Variants in PRDM6 observed in about 807,000 individuals in gnomAD.
The protein encoded by PRDM6 is putative histone-lysine N-methyltransferase PRDM6.
Under a neutral mutation model 60.8 loss-of-function variants are expected in PRDM6, and 25 were observed. The observed-to-expected ratio is 0.41, with a 90% confidence interval of 0.30 to 0.57. The LOEUF (loss-of-function observed/expected upper bound fraction) is 0.57. Ranked by LOEUF, PRDM6 falls within the 20% of genes least tolerant of loss-of-function variation. The probability of loss-of-function intolerance (pLI) is 0.27; values close to 1 mark genes in which losing one functional copy is unlikely to be tolerated. For synonymous variants in PRDM6, 407 were observed against 357.4 expected, an observed-to-expected ratio of 1.14 and a Z score of -1.57; for missense variants, 839 against 821.3, an observed-to-expected ratio of 1.02 and a Z score of -0.26.
At position 123,151,392 on chromosome 5, in the gene PRDM6, C is replaced by CT. The variant is rs563002282; in HGVS notation, c.901-4488dup. On this transcript the variant is annotated intron_variant, in intron 3 of 7. Transcript: ENST00000407847. The stretch of plus-strand genomic sequence containing the variant: ...CATGATTAAGTTGTAATTCAAGTTC[C>CT]TTTTGTCTGAGGTCATTAGCTCTCT... Among the ~76,000 whole-genome samples, 332 of 152,276 alleles carry CT rather than the reference C, an allele frequency of 2.2e-3. 1 individual carries two copies. The highest frequency in any genetic ancestry group is 7.5e-3 in the African/African-American group (313 of 41,560).
At chr5:123,107,680 GA>G (rs1488533912) in intron 3 of PRDM6, among the ~76,000 whole-genome samples, 1 of 152,170 alleles carries the variant, frequency 6.6e-6, no homozygotes, top group Non-Finnish European at 1.5e-5. Context: ...TAACACTTTA[GA>G]AAATTGTTTA....
intron 5 of PRDM6, among the ~76,000 whole-genome samples, chr5:123,165,356 C>A (rs1306190229): frequency 1.3e-5 from 2 of 152,216 alleles, no homozygotes; most frequent in African/African-American, 2.4e-5. Context: ...CTCACTCTTG[C>A]TCACCCTTCT....
intron 3 of PRDM6, among the ~76,000 whole-genome samples, chr5:123,121,606 A>G (rs937516422): frequency 2.6e-5 from 4 of 152,196 alleles, no homozygotes; most frequent in Non-Finnish European, 5.9e-5. Flanking sequence ...TCACCTATAA[A>G]TATTTTAATA....
At chr5:123,106,228 T>C (rs1764194722) in intron 3 of PRDM6, among the ~76,000 whole-genome samples, 1 of 152,198 alleles carries the variant, frequency 6.6e-6, no homozygotes, top group Non-Finnish European at 1.5e-5. Context: ...GAGCAATCTA[T>C]GTGTGGCGGG....
At chr5:123,130,647 C>T (rs1223867655) in intron 3 of PRDM6, among the ~76,000 whole-genome samples, 1 of 151,732 alleles carries the variant, frequency 6.6e-6, no homozygotes, top group East Asian at 1.9e-4. Context: ...TCACTGCAAC[C>T]TCCGCCTCCT....
At chr5:123,142,877 C>CAAAAAAAAAAAAAAA in intron 3 of PRDM6, among the ~76,000 whole-genome samples, 13 of 27,362 alleles carry the variant, frequency 4.8e-4, no homozygotes, top group Admixed American at 9.3e-4. Flanking sequence ...CAGTGAAGAC[C>CAAAAAAAAAAAAAAA]AAAAAAAAAA....
intron 3 of PRDM6, among the ~76,000 whole-genome samples, chr5:123,110,104 A>G (rs898239555): frequency 2.6e-5 from 4 of 152,232 alleles, no homozygotes; most frequent in Admixed American, 6.5e-5. Flanking sequence ...AATTCTGAAT[A>G]TATGTCACTG....
intron 3 of PRDM6, among the ~76,000 whole-genome samples, chr5:123,116,106 A>G (rs1764438019): frequency 6.6e-6 from 1 of 152,116 alleles, no homozygotes; most frequent in Non-Finnish European, 1.5e-5. Context: ...GCCTGGTGTG[A>G]GTGAGATAGG....
At chr5:123,136,431 G>A (rs1371944295) in intron 3 of PRDM6, among the ~76,000 whole-genome samples, 3 of 152,092 alleles carry the variant, frequency 2.0e-5, no homozygotes, top group Admixed American at 6.6e-5. Flanking sequence ...AGACACCCGA[G>A]AGGCTAAAGT....
chr5:123,163,282 T>A (rs966899426), intron 5 of PRDM6, among the ~76,000 whole-genome samples: 1 of 152,258 alleles, frequency 6.6e-6, no homozygotes, highest in African/African-American at 2.4e-5. Context: ...AAAATATGAT[T>A]TTACTTAGTG....
chr5:123,105,832 T>C (rs1764188411), intron 3 of PRDM6, among the ~76,000 whole-genome samples: 1 of 152,242 alleles, frequency 6.6e-6, no homozygotes, highest in Non-Finnish European at 1.5e-5. Flanking sequence ...GAATATACTT[T>C]TCCTTGTAAG....
rs1315808352 is a variant in PRDM6 at position 123,190,470 on chromosome 5, T to TTG, written c.*3271_*3272dup. On this transcript the variant is annotated 3_prime_UTR_variant, in exon 8 of 8. Coordinates refer to ENST00000407847, the MANE Select transcript of PRDM6 (RefSeq NM_001136239.4). ...GAGGAGATATACTTCTAAAAAGTTA[T>TTG]TGTATGGCTAATTAAAGCTATGAAA... 1 of 152,236 alleles carries TTG rather than the reference T, an allele frequency of 6.6e-6. No individual in the cohort carries two copies. Among genetic ancestry groups the TTG allele is most frequent in the East Asian group, 1.9e-4 (1 of 5,206 alleles). 9.4% of individuals were successfully genotyped at this position (152,236 alleles called of 1,614,324 possible).
Position 123,132,920 on chromosome 5 carries a change from A to G in PRDM6, c.901-22964A>G, listed in dbSNP as rs532575415. ...TTGTTGAAATTTGATTAACTCTTACATGTTATCTTTAACAAATATTATCAT... is the reference window on the plus strand; with the variant it reads ...TTGTTGAAATTTGATTAACTCTTACGTGTTATCTTTAACAAATATTATCAT... On this transcript the variant is annotated intron_variant, in intron 3 of 7. Transcript: ENST00000407847. Among the ~76,000 whole-genome samples the G allele has an allele frequency of 6.6e-5, 10 of 152,210 alleles. No homozygotes were observed. The South Asian group carries it at 1.5e-3, about 22-fold the overall frequency.
chr5:123,154,223 A>G (rs938483938), intron 3 of PRDM6, among the ~76,000 whole-genome samples: 1 of 152,356 alleles, frequency 6.6e-6, no homozygotes, highest in East Asian at 1.9e-4. Flanking sequence ...TATGTTGTCT[A>G]TCATTAGATT....
Position 123,090,623 on chromosome 5 carries a change from C to A in PRDM6, c.592+17C>A. On this transcript the variant is annotated intron_variant, in intron 2 of 7. Coordinates refer to ENST00000407847, the MANE Select transcript of PRDM6 (RefSeq NM_001136239.4). Reference sequence around the variant, plus strand: ...CCAACAACCGTACGTAGCCGCAGCCCGCGCGCTCTCTCCCGGGGCGCCGGC... The same window carrying A: ...CCAACAACCGTACGTAGCCGCAGCCAGCGCGCTCTCTCCCGGGGCGCCGGC... 1 of 1,500,816 alleles carries A rather than the reference C, an allele frequency of 6.7e-7. No individual in the cohort carries two copies. 93.0% of individuals were successfully genotyped at this position (1,500,816 alleles called of 1,614,324 possible). A position where few individuals can be genotyped will look rare whatever the true frequency, so the allele number is the denominator to read the frequency against.
intron 3 of PRDM6, among the ~76,000 whole-genome samples, chr5:123,129,635 C>T (rs1427303579): frequency 6.6e-6 from 1 of 152,060 alleles, no homozygotes; most frequent in Non-Finnish European, 1.5e-5. Flanking sequence ...GCAAAAATCT[C>T]CTGGGGTATT....
chr5:123,154,775 T>C (rs568538160), intron 3 of PRDM6, among the ~76,000 whole-genome samples: 1 of 152,200 alleles, frequency 6.6e-6, no homozygotes, highest in Admixed American at 6.5e-5. Flanking sequence ...GTCAGGATGC[T>C]CTGGAGAAGT....
In PRDM6 at chr5:123,090,211, C is replaced by A; in HGVS notation, c.197C>A (p.Pro66Gln). The change falls in exon 2 of 8, where the codon CCG (proline) becomes CAG (glutamine). Residue 66 changes from proline to glutamine, a missense_variant. Physicochemically the swap from Pro to Gln is moderately conservative, Grantham distance 76 (BLOSUM62 -1). Coordinates refer to ENST00000407847, the MANE Select transcript of PRDM6 (RefSeq NM_001136239.4). ...PPPPERAEPP[P>Q]DSLRPRPASL... ...CCCCCGGAGCGCGCTGAGCCTCCGC[C>A]GGACAGCCTGCGCCCGCGGCCCGCC... 1 of 1,480,560 alleles carries A rather than the reference C, an allele frequency of 6.8e-7. No individual in the cohort carries two copies. The highest frequency in any genetic ancestry group is 1.3e-5 in the South Asian group (1 of 77,156). 91.7% of individuals were successfully genotyped at this position (1,480,560 alleles called of 1,614,324 possible). A position where few individuals can be genotyped will look rare whatever the true frequency, so the allele number is the denominator to read the frequency against.
chr5:123,156,606 C>G (rs1765504739), intron 4 of PRDM6, among the ~76,000 whole-genome samples: 1 of 152,174 alleles, frequency 6.6e-6, no homozygotes, highest in South Asian at 2.1e-4. Context: ...GAGGCAGTTT[C>G]CGGGCATAGA....
Sources: allele counts gnomAD v4.1 joint callset (sites outside exome capture counted in the v4.1 genomes callset), GRCh38; gene constraint gnomAD v4.1.1; transcripts MANE v1.5; gene names NCBI Gene and HGNC (gene_info 2026-07-23, HGNC 2026-07-21).